U2SURP: variants seen among roughly 807,000 people sequenced by gnomAD.
U2SURP encodes U2 snRNP associated SURP domain containing, also known as U2 snRNP-associated SURP motif-containing protein.
U2SURP carries 9 observed loss-of-function variants against 144.9 expected under a neutral mutation model. The observed-to-expected ratio is 0.06, with a 90% CI of 0.04 to 0.11. The LOEUF (loss-of-function observed/expected upper bound fraction) is 0.11. Ranked by LOEUF, U2SURP falls within the 10% of genes least tolerant of loss-of-function variation. The pLI, the probability that U2SURP is intolerant of heterozygous loss-of-function variation, is 1.00. For missense variants in U2SURP, 724 were observed against 1,226.7 expected (o/e 0.59, Z 6.12); for synonymous variants, 408 against 396.8 (o/e 1.03, Z -0.33).
chr3:143,026,931 T>TCACCTTTCCATCCCCTCCCA lies in U2SURP; in HGVS notation c.1275-216_1275-197dup, dbSNP rs1933186570. 3 of 402,918 alleles carry TCACCTTTCCATCCCCTCCCA rather than the reference T, an allele frequency of 7.4e-6. 1 individual carries two copies. The South Asian group carries it at 1.7e-4, about 23-fold the overall frequency. The allele number at this position is 402,918 out of a possible 1,614,324, so 25.0% of individuals were successfully genotyped here. A position where few individuals can be genotyped will look rare whatever the true frequency, so the allele number is the denominator to read the frequency against. Reference sequence around the variant, plus strand: ...CTGTATTGTGGTTTCCTACCCTCCCTCACCTTTCCATCCCCTCCCACTTCC... The same window carrying TCACCTTTCCATCCCCTCCCA: ...CTGTATTGTGGTTTCCTACCCTCCCTCACCTTTCCATCCCCTCCCACACCTTTCCATCCCCTCCCACTTCC... On this transcript the variant is annotated intron_variant, in intron 13 of 27. Coordinates refer to ENST00000473835, the MANE Select transcript of U2SURP (RefSeq NM_001080415.2).
rs201510232 is a variant in U2SURP, at chr3:143,028,400, T to C, written c.1440T>C (p.Ile480=). Reference sequence around the variant, plus strand: ...ACTATAGGTGGAAGCTTTATTCTATTCTGCAGGCAAGTAGAATCAATTACT... The same window carrying C: ...ACTATAGGTGGAAGCTTTATTCTATCCTGCAGGCAAGTAGAATCAATTACT... ...HVYYRWKLYS[I]LQGDSPTKWR... Residue 480 remains isoleucine (I), a synonymous_variant, in exon 15 of 28, where the codon ATT becomes ATC. Transcript: ENST00000473835. The C allele has an allele frequency of 3.1e-6, 5 of 1,612,846 alleles. No individual in the cohort carries two copies. The Admixed American group carries it at 6.7e-5, about 22-fold the overall frequency.
At chr3:143,009,794 T>A (rs1404643812) in intron 1 of U2SURP, among the ~76,000 whole-genome samples, 1 of 152,202 alleles carries the variant, frequency 6.6e-6, no homozygotes, top group Admixed American at 6.5e-5. Context: ...CAATACTGTA[T>A]GGATCTTTGC....
chr3:143,001,778 C>G, intron 1 of U2SURP, 105 bp downstream of exon 1: 1 of 1,463,418 alleles, frequency 6.8e-7, no homozygotes, highest in South Asian at 1.2e-5. Flanking sequence ...GGTCTGCATT[C>G]TAGTCGCGAC....
intron 23 of U2SURP, among the ~76,000 whole-genome samples, chr3:143,041,947 C>A (rs1190448962): frequency 6.6e-6 from 1 of 150,846 alleles, no homozygotes; most frequent in Non-Finnish European, 1.5e-5. Flanking sequence ...CTTGTTTTGC[C>A]CAGATTTATT....
At chr3:143,005,612 G>A (rs985567639) in intron 1 of U2SURP, among the ~76,000 whole-genome samples, 3 of 152,194 alleles carry the variant, frequency 2.0e-5, no homozygotes, top group Non-Finnish European at 2.9e-5. Flanking sequence ...TGCAGCACGG[G>A]TGCTAGAATA....
chr3:143,056,123 G>A (rs893317930), intron 27 of U2SURP, among the ~76,000 whole-genome samples, 189 bp from the exon 28 acceptor site: 2 of 152,108 alleles, frequency 1.3e-5, no homozygotes, highest in Non-Finnish European at 2.9e-5. Context: ...CATTGATGCA[G>A]TGCATAGTAA....
intron 3 of U2SURP, among the ~76,000 whole-genome samples, chr3:143,013,056 T>C (rs1045000376): frequency 3.3e-5 from 5 of 152,236 alleles, no homozygotes; most frequent in Non-Finnish European, 5.9e-5. Flanking sequence ...TATAAATTTT[T>C]TTTCATTTCT....
At chr3:143,039,759 G>A (rs1382173891) in intron 23 of U2SURP, among the ~76,000 whole-genome samples, 1 of 151,834 alleles carries the variant, frequency 6.6e-6, no homozygotes, top group Non-Finnish European at 1.5e-5. Context: ...GGGCATTTGT[G>A]TGGATTTAAT....
intron 14 of U2SURP, 49 bp downstream of exon 14, chr3:143,027,302 ATT>A: frequency 7.0e-7 from 1 of 1,431,652 alleles, no homozygotes; most frequent in Non-Finnish European, 9.8e-7. Flanking sequence ...AAAATTTCCC[ATT>A]TTAACTATTT....
At chr3:143,041,840 CT>C (rs1265305196) in intron 23 of U2SURP, among the ~76,000 whole-genome samples, 1 of 151,914 alleles carries the variant, frequency 6.6e-6, no homozygotes, top group East Asian at 1.9e-4. Flanking sequence ...AGCGTTTGTT[CT>C]GGGTTATGCC....
At chr3:143,032,734 C>T in intron 16 of U2SURP, 50 bp from the exon 17 acceptor site, 1 of 1,493,220 alleles carries the variant, frequency 6.7e-7, no homozygotes. Flanking sequence ...GCTACAATGG[C>T]ATTTGAAATT....
intron 23 of U2SURP, among the ~76,000 whole-genome samples, chr3:143,039,693 A>G (rs540762674): frequency 6.7e-4 from 100 of 148,786 alleles, no homozygotes; most frequent in African/African-American, 2.1e-3. Flanking sequence ...GCGTTCTTCT[A>G]TTCTCCAATG....
At position 143,001,637 on chromosome 3, in the gene U2SURP, C is replaced by G. The variant is rs776034960; in HGVS notation, c.9C>G (p.Asp3Glu). The G allele has an allele frequency of 3.1e-6, 5 of 1,613,992 alleles. No individual in the cohort carries two copies. Among genetic ancestry groups the G allele is most frequent in the Admixed American group, 1.7e-5 (1 of 60,022 alleles). The change falls in exon 1 of 28, where the codon GAC becomes GAG. Residue 3 changes from aspartate to glutamate, a missense_variant. Physicochemically the swap from Asp to Glu is conservative, Grantham distance 45. This residue lies in a region of U2SURP where 127 missense variants were observed against 98.2 expected (regional missense o/e 1.29). Transcript: ENST00000473835. ...GAGGGGCAAAGCTCAAGATGGCGGA[C>G]AAAACGCCAGGCGGATCTCAGAAGG... MA[D>E]KTPGGSQKAS...
rs554112240 is a variant in U2SURP at position 143,051,959 on chromosome 3, G to A, written c.2655+910G>A. On this transcript the variant is annotated intron_variant, in intron 25 of 27. Coordinates refer to ENST00000473835, the MANE Select transcript of U2SURP (RefSeq NM_001080415.2). ...TATAAAATAGGCATCTCAATTAGGAGATCATTTTCATTTTCATTATCAATC... is the reference window on the plus strand; with the variant it reads ...TATAAAATAGGCATCTCAATTAGGAAATCATTTTCATTTTCATTATCAATC... Among the ~76,000 whole-genome samples the A allele has an allele frequency of 7.2e-5, 11 of 152,222 alleles. No individual in the cohort carries two copies. In the South Asian group the frequency reaches 2.3e-3, roughly 32 times the overall value.
At chr3:143,016,393 G>T (rs1936370485) in intron 5 of U2SURP, 22 bp downstream of exon 5, 1 of 1,590,886 alleles carries the variant, frequency 6.3e-7, no homozygotes, top group Admixed American at 1.7e-5. Context: ...AAGTATAACT[G>T]CTAATAAAGC....
intron 16 of U2SURP, among the ~76,000 whole-genome samples, chr3:143,031,787 CT>C (rs1933514957): frequency 1.3e-5 from 2 of 152,158 alleles, no homozygotes; most frequent in African/African-American, 4.8e-5. Flanking sequence ...GTCTATAAAT[CT>C]TAATACTTGT....
At chr3:143,046,297 A>ATTTTTTTTTTTTTTTTTTTTTTT (rs11400849) in intron 24 of U2SURP, among the ~76,000 whole-genome samples, 11 of 106,398 alleles carry the variant, frequency 1.0e-4, no homozygotes, top group African/African-American at 2.0e-4. Context: ...TTTATTTTTT[A>ATTTTTTTTTTTTTTTTTTTTTTT]TTTTTTTTTA....
At chr3:143,012,635 C>T (rs1259622040) in intron 3 of U2SURP, among the ~76,000 whole-genome samples, 1 of 152,034 alleles carries the variant, frequency 6.6e-6, no homozygotes, top group African/African-American at 2.4e-5. Flanking sequence ...TTATCTTTCC[C>T]CACTTAAACA....
At chr3:143,033,037 G>GGGAAAAATCTCATC in intron 17 of U2SURP, 91 bp downstream of exon 17, 1 of 1,403,950 alleles carries the variant, frequency 7.1e-7, no homozygotes, top group Non-Finnish European at 9.7e-7. Flanking sequence ...CTTGACTGAT[G>GGGAAAAATCTCATC]AGATTTTTCC....
Sources: gnomAD v4.1 joint callset for allele counts (sites outside exome capture counted in the v4.1 genomes callset) on GRCh38, gnomAD v4.1.1 for gene constraint, gnomAD v4.1.1 regional missense constraint, MANE v1.5 for transcripts, NCBI Gene and HGNC (gene_info 2026-07-23, HGNC 2026-07-21) for gene names.